NOS1AP: variants seen among roughly 807,000 people sequenced by gnomAD.
The protein encoded by NOS1AP is nitric oxide synthase 1 adaptor protein.
In NOS1AP, 21 loss-of-function variants were observed where a neutral mutation model predicts 56.2. The observed-to-expected ratio is 0.37, with a 90% confidence interval of 0.26 to 0.54. The LOEUF is 0.54. Among genes scored for constraint, NOS1AP ranks in the 20% least tolerant of loss-of-function variants. NOS1AP has a pLI of 0.84. For synonymous variants in NOS1AP, 270 were observed against 274.6 expected (o/e 0.98, Z 0.17); for missense variants, 522 against 657.8 (o/e 0.79, Z 2.26).
At chr1:162,176,585 T>C (rs139499823) in intron 2 of NOS1AP, among the ~76,000 whole-genome samples, 2,972 of 141,604 alleles carry the variant, frequency 0.021, 114 homozygotes, top group African/African-American at 0.072. Flanking sequence ...CTTGGCTCAC[T>C]GCAACCTCTG....
intron 2 of NOS1AP, among the ~76,000 whole-genome samples, chr1:162,159,512 T>A (rs748794330): frequency 1.1e-4 from 17 of 152,210 alleles, no homozygotes; most frequent in Non-Finnish European, 1.3e-4. Flanking sequence ...TGAGAGATAC[T>A]GAGCTGCCTC....
At chr1:162,108,819 G>C (rs904225142) in intron 1 of NOS1AP, among the ~76,000 whole-genome samples, 2 of 152,106 alleles carry the variant, frequency 1.3e-5, no homozygotes, top group African/African-American at 2.4e-5. Context: ...AAAATAACCT[G>C]GAGTTTCAAT....
intron 1 of NOS1AP, among the ~76,000 whole-genome samples, chr1:162,117,805 G>C (rs1434026498): frequency 1.3e-5 from 2 of 152,188 alleles, no homozygotes; most frequent in Non-Finnish European, 2.9e-5. Context: ...ACAGGAAAAG[G>C]TGCCTAGCCC....
intron 2 of NOS1AP, among the ~76,000 whole-genome samples, chr1:162,213,517 G>A (rs1193703104): frequency 6.6e-6 from 1 of 152,212 alleles, no homozygotes; most frequent in Non-Finnish European, 1.5e-5. Flanking sequence ...AAAGAAGGAT[G>A]TGCCCACCTC....
At chr1:162,166,847 G>A (rs1008089735) in intron 2 of NOS1AP, among the ~76,000 whole-genome samples, 6 of 152,282 alleles carry the variant, frequency 3.9e-5, no homozygotes, top group African/African-American at 1.4e-4. Flanking sequence ...GTTGCATGGT[G>A]ACTGGGCCCA....
intron 4 of NOS1AP, among the ~76,000 whole-genome samples, chr1:162,319,103 C>T (rs1283520607): frequency 1.3e-5 from 2 of 152,150 alleles, no homozygotes; most frequent in South Asian, 2.1e-4. Context: ...CATTCAGGGC[C>T]CTGAGCCCAG....
chr1:162,200,118 C>T (rs1382494454), intron 2 of NOS1AP, among the ~76,000 whole-genome samples: 1 of 152,316 alleles, frequency 6.6e-6, no homozygotes, highest in African/African-American at 2.4e-5. Context: ...TATTGGCCAT[C>T]CCTTTCCTGG....
At chr1:162,245,736 G>T (rs1653641675) in intron 2 of NOS1AP, among the ~76,000 whole-genome samples, 1 of 152,216 alleles carries the variant, frequency 6.6e-6, no homozygotes, top group Non-Finnish European at 1.5e-5. Context: ...GGATCAGAAC[G>T]AGAACATCTG....
intron 6 of NOS1AP, among the ~76,000 whole-genome samples, chr1:162,347,849 C>T (rs531289475): frequency 4.6e-5 from 7 of 152,324 alleles, no homozygotes; most frequent in African/African-American, 1.2e-4. Context: ...CCACAGTCAA[C>T]GCCGTTCCCT....
chr1:162,106,734 A>C (rs1647524695), intron 1 of NOS1AP, among the ~76,000 whole-genome samples: 2 of 152,334 alleles, frequency 1.3e-5, no homozygotes, highest in South Asian at 4.1e-4. Flanking sequence ...GTTTGACCAC[A>C]ACTCTGTTGA....
At chr1:162,187,030 G>A (rs538976274) in intron 2 of NOS1AP, among the ~76,000 whole-genome samples, 65 of 152,208 alleles carry the variant, frequency 4.3e-4, no homozygotes, top group Middle Eastern at 3.4e-3. Context: ...GGAGTGACCT[G>A]ATCTCGGCTC....
At chr1:162,191,549 C>G (rs4657166) in intron 2 of NOS1AP, among the ~76,000 whole-genome samples, 62,641 of 151,980 alleles carry the variant, frequency 0.41, 14,554 homozygotes, top group African/African-American at 0.62. Context: ...AGCATGTCTT[C>G]TTTGATTTAC....
At chr1:162,295,346 CT>C (rs1333896439) in intron 3 of NOS1AP, among the ~76,000 whole-genome samples, 1 of 152,062 alleles carries the variant, frequency 6.6e-6, no homozygotes, top group East Asian at 1.9e-4. Context: ...TCAAGGATTT[CT>C]TTTTTTTAAA....
At chr1:162,183,349 C>T (rs1344091557) in intron 2 of NOS1AP, among the ~76,000 whole-genome samples, 1 of 152,246 alleles carries the variant, frequency 6.6e-6, no homozygotes, top group Non-Finnish European at 1.5e-5. Flanking sequence ...AGAGAACATG[C>T]AGACTTGATT....
intron 7 of NOS1AP, 58 bp from the exon 8 acceptor site, chr1:162,356,902 A>T (rs1657720601): frequency 1.2e-6 from 2 of 1,612,342 alleles, no homozygotes; most frequent in South Asian, 2.2e-5. Context: ...AAAGAGAGGG[A>T]GGCCCCTCAA....
At chr1:162,305,432 T>C (rs1655794659) in intron 4 of NOS1AP, among the ~76,000 whole-genome samples, 1 of 152,080 alleles carries the variant, frequency 6.6e-6, no homozygotes, top group Non-Finnish European at 1.5e-5. Context: ...TACCTCTTTA[T>C]CACAGGAAGT....
intron 2 of NOS1AP, among the ~76,000 whole-genome samples, chr1:162,155,225 CAT>C (rs1210180504): frequency 5.9e-5 from 4 of 67,756 alleles, no homozygotes; most frequent in South Asian, 7.7e-4. Flanking sequence ...AGCCTTTATA[CAT>C]ATATATATAC....
intron 1 of NOS1AP, among the ~76,000 whole-genome samples, chr1:162,105,449 G>C (rs1014259302): frequency 6.6e-6 from 1 of 152,220 alleles, no homozygotes; most frequent in Non-Finnish European, 1.5e-5. Flanking sequence ...GCTGCATTAG[G>C]GGGGTACCAT....
chr1:162,104,564 T>C (rs1201832825), intron 1 of NOS1AP, among the ~76,000 whole-genome samples: 1 of 152,198 alleles, frequency 6.6e-6, no homozygotes, highest in Non-Finnish European at 1.5e-5. Context: ...ATAGGTTTGG[T>C]GTCTTTACAT....
Sources: gnomAD v4.1 joint callset for allele counts (sites outside exome capture counted in the v4.1 genomes callset) on GRCh38, gnomAD v4.1.1 for gene constraint, MANE v1.5 for transcripts, NCBI Gene and HGNC (gene_info 2026-07-23, HGNC 2026-07-21) for gene names.